Variants in USH1C observed in about 807,000 individuals in gnomAD.
USH1C encodes USH1 protein network component harmonin.
Under a neutral mutation model 119.3 loss-of-function variants are expected in USH1C, and 90 were observed. The observed-to-expected ratio is 0.75, with a 90% CI of 0.64 to 0.90. The LOEUF is 0.90. Ranked by LOEUF, USH1C falls within the 40% of genes least tolerant of loss-of-function variation. The pLI is 0.00. For synonymous variants in USH1C, 465 were observed against 443.3 expected (o/e 1.05, Z -0.62); for missense variants, 1,165 against 1,167.7 (o/e 1.00, Z 0.03).
At chr11:17,530,227 C>G (rs550369544) in intron 4 of USH1C, among the ~76,000 whole-genome samples, 2 of 152,162 alleles carry the variant, frequency 1.3e-5, no homozygotes, top group Non-Finnish European at 2.9e-5. Context: ...GGTGGGAGGG[C>G]CTCCTTTATC....
intron 24 of USH1C, 23 bp downstream of exon 24, chr11:17,498,139 G>T: frequency 1.2e-6 from 2 of 1,604,366 alleles, no homozygotes; most frequent in Non-Finnish European, 1.7e-6. Context: ...AGGGAGGAAA[G>T]GAGGGAGGGG....
chr11:17,509,738 T>A lies in USH1C; in HGVS notation c.1631A>T (p.Asp544Val). The A allele has an allele frequency of 6.2e-7, 1 of 1,601,292 alleles. No homozygotes were observed. Among genetic ancestry groups the A allele is most frequent in the Non-Finnish European group, 8.5e-7 (1 of 1,179,684 alleles). ...GTAGAACATGTCCAAAGGGATGTCG[T>A]CCAGGTCAGTGGTGTGCAGGTGCAG... ...GGLHLHTTDL[D>V]DIPLDMFYYP... Residue 544 changes from aspartate (D) to valine (V), a missense_variant, in exon 18 of 27, where the codon GAC becomes GTC. Transcript: ENST00000005226.
At chr11:17,526,653 C>A in intron 7 of USH1C, 100 bp downstream of exon 7, 1 of 1,382,260 alleles carries the variant, frequency 7.2e-7, no homozygotes, top group Non-Finnish European at 1.0e-6. Context: ...TGTGAAGCCC[C>A]TGAGGGTGCA....
At chr11:17,523,586 T>G (rs1192518968) in intron 9 of USH1C, 108 bp from the exon 10 acceptor site, 10 of 1,039,472 alleles carry the variant, frequency 9.6e-6, no homozygotes, top group Non-Finnish European at 1.5e-5. Context: ...GATCTTCAAG[T>G]GGCAGTACCT....
intron 15 of USH1C, among the ~76,000 whole-genome samples, chr11:17,512,776 G>A (rs1849951319): frequency 1.3e-5 from 2 of 152,200 alleles, no homozygotes; most frequent in South Asian, 4.1e-4. Flanking sequence ...GGGCTAGCTG[G>A]AAACTGCAGG....
At chr11:17,496,324 G>A (rs930632050) in intron 25 of USH1C, among the ~76,000 whole-genome samples, 7 of 152,184 alleles carry the variant, frequency 4.6e-5, no homozygotes, top group African/African-American at 1.4e-4. Flanking sequence ...AAAAGCCTGT[G>A]GTCCCGGCTG....
Position 17,536,214 on chromosome 11 carries a change from C to G in USH1C, c.37-2892G>C, listed in dbSNP as rs1165613204. Among the ~76,000 whole-genome samples, 4 of 152,314 alleles carry G rather than the reference C, an allele frequency of 2.6e-5. No homozygotes were observed. The East Asian group carries it at 7.7e-4, about 29-fold the overall frequency. On this transcript the variant is annotated intron_variant, in intron 1 of 26. Coordinates refer to ENST00000005226, the MANE Select transcript of USH1C (RefSeq NM_153676.4). ...GAGAGGACACCCTGACTAAAGACTTCTAGCCTAGTTATAACCCTGGGTGGT... is the reference window on the plus strand; with the variant it reads ...GAGAGGACACCCTGACTAAAGACTTGTAGCCTAGTTATAACCCTGGGTGGT...
chr11:17,506,710 A>C (rs1164540024), intron 18 of USH1C, among the ~76,000 whole-genome samples: 1 of 152,036 alleles, frequency 6.6e-6, no homozygotes. Context: ...TTTGCCTCCT[A>C]GGTCTTAAGT....
rs771776962 is a variant in USH1C at position 17,503,348 on chromosome 11, C to T, written c.2184+1299G>A. Among the ~76,000 whole-genome samples the T allele has an allele frequency of 2.0e-5, 3 of 152,176 alleles. No homozygotes were observed. In the East Asian group the frequency reaches 5.8e-4, roughly 29 times the overall value. On this transcript the variant is annotated intron_variant, in intron 20 of 26. Transcript: ENST00000005226. ...CCTCCTTGCTCCATGATCCTGAGAA[C>T]CAGCTCTCAGGGATGGGCCAGATGG... is the stretch of plus-strand genomic sequence containing the variant.
Position 17,494,144 on chromosome 11 carries a change from A to G in USH1C, c.*188T>C. The G allele has an allele frequency of 1.5e-6, 1 of 673,634 alleles. No individual in the cohort carries two copies. The highest frequency in any genetic ancestry group is 2.6e-6 in the Non-Finnish European group (1 of 379,634). 41.7% of individuals were successfully genotyped at this position (673,634 alleles called of 1,614,324 possible). ...AATGGCTGGCTGCTCCCTTTCCTCCACGTTGGCCTTCAGAAGAGTGGCCCG... is the reference window on the plus strand; with the variant it reads ...AATGGCTGGCTGCTCCCTTTCCTCCGCGTTGGCCTTCAGAAGAGTGGCCCG... On this transcript the variant is annotated 3_prime_UTR_variant, in exon 27 of 27. Transcript: ENST00000005226.
Position 17,523,249 on chromosome 11 carries a change from T to C in USH1C, c.838A>G (p.Ser280Gly), listed in dbSNP as rs775519842. ...ATGGAGATGGTCAGGCTGCGGCTAC[T>C]CTTCAGCACATTTACAGCCTGTGGG... ...DHKEAVNVLK[S>G]SRSLTISIVA... The change falls in exon 11 of 27, where the codon AGT becomes GGT. Residue 280 changes from serine to glycine, a missense_variant. Transcript: ENST00000005226. The C allele has an allele frequency of 3.1e-6, 5 of 1,614,056 alleles. No individual in the cohort carries two copies. The highest frequency in any genetic ancestry group is 1.7e-5 in the Admixed American group (1 of 60,008).
chr11:17,524,363 G>A, intron 9 of USH1C, 88 bp downstream of exon 9: 2 of 1,413,220 alleles, frequency 1.4e-6, no homozygotes, highest in Non-Finnish European at 2.0e-6. Context: ...AGGGCCATGT[G>A]GAAAGGCACC....
At chr11:17,501,894 C>CT (rs775343763) in intron 21 of USH1C, 45 bp downstream of exon 21, 112 of 1,604,602 alleles carry the variant, frequency 7.0e-5, no homozygotes, top group Non-Finnish European at 9.4e-5. Context: ...CCACACTGCC[C>CT]TGTTCCTGGG....
chr11:17,542,555 C>T (rs879711552), intron 1 of USH1C, among the ~76,000 whole-genome samples: 1 of 152,216 alleles, frequency 6.6e-6, no homozygotes, highest in Non-Finnish European at 1.5e-5. Context: ...CCCTTTGGAG[C>T]CTGTGGGACC....
chr11:17,510,766 T>G (rs1034474762), intron 16 of USH1C, among the ~76,000 whole-genome samples: 3 of 152,100 alleles, frequency 2.0e-5, no homozygotes, highest in African/African-American at 7.2e-5. Flanking sequence ...AAGGGGCTTA[T>G]GTATTGTGAG....
At chr11:17,496,057 A>G (rs185997060) in intron 25 of USH1C, among the ~76,000 whole-genome samples, 16 of 152,268 alleles carry the variant, frequency 1.1e-4, no homozygotes, top group Admixed American at 8.5e-4. Context: ...ACAGAGGAAC[A>G]GGGACTCAGA....
intron 4 of USH1C, among the ~76,000 whole-genome samples, chr11:17,527,587 G>T (rs531742671): frequency 2.6e-5 from 4 of 152,124 alleles, no homozygotes; most frequent in Admixed American, 1.3e-4. Context: ...GGGCACAGCG[G>T]GTGTGCAGCA....
intron 20 of USH1C, among the ~76,000 whole-genome samples, chr11:17,502,635 A>G (rs1469100195): frequency 6.6e-6 from 1 of 152,224 alleles, no homozygotes; most frequent in Non-Finnish European, 1.5e-5. Context: ...CTAGGGGAGA[A>G]GGGAGGACAC....
intron 13 of USH1C, 133 bp downstream of exon 13, chr11:17,521,213 T>C: frequency 2.7e-6 from 3 of 1,115,338 alleles, no homozygotes; most frequent in South Asian, 1.3e-5. Flanking sequence ...CAGGCTTTAC[T>C]ACAAATAAAG....
Sources: allele counts gnomAD v4.1 joint callset (sites outside exome capture counted in the v4.1 genomes callset), GRCh38; gene constraint gnomAD v4.1.1; transcripts MANE v1.5; gene names NCBI Gene and HGNC (gene_info 2026-07-23, HGNC 2026-07-21).